The following FAM216A variants were observed in gnomAD, a reference collection of about 807,000 sequenced individuals.
The protein encoded by FAM216A is family with sequence similarity 216 member A.
FAM216A carries 26 observed loss-of-function variants against 37.6 expected under a neutral mutation model. That is an observed-to-expected ratio of 0.69 (90% CI 0.51 to 0.96). The LOEUF (loss-of-function observed/expected upper bound fraction) is 0.96. Ranked by LOEUF, FAM216A falls within the 40% of genes least tolerant of loss-of-function variation. FAM216A has a pLI of 0.00. For synonymous variants in FAM216A, 110 were observed against 121.7 expected, an observed-to-expected ratio of 0.90 and a Z score of 0.64; for missense variants, 326 against 339.3, an observed-to-expected ratio of 0.96 and a Z score of 0.31.
chr12:110,475,356 C>T (rs2062709111), intron 2 of FAM216A, among the ~76,000 whole-genome samples: 1 of 152,066 alleles, frequency 6.6e-6, no homozygotes, highest in Non-Finnish European at 1.5e-5. Flanking sequence ...ATTCTCATGC[C>T]TCAGCCTCCC....
At chr12:110,481,528 G>GTTT (rs541934479) in intron 2 of FAM216A, among the ~76,000 whole-genome samples, 1 of 138,830 alleles carries the variant, frequency 7.2e-6, no homozygotes, top group African/African-American at 2.6e-5. Flanking sequence ...TGTGTGTGTG[G>GTTT]TTTTTTTTTT....
At chr12:110,489,882 G>A (rs946126412) in intron 6 of FAM216A, 137 bp from the exon 7 acceptor site, 2 of 580,736 alleles carry the variant, frequency 3.4e-6, no homozygotes, top group Admixed American at 3.0e-5. Flanking sequence ...GGGGAAGGAT[G>A]AGGTGACTAA....
intron 2 of FAM216A, among the ~76,000 whole-genome samples, chr12:110,484,577 T>C (rs1041891998): frequency 7.9e-5 from 12 of 151,638 alleles, no homozygotes; most frequent in African/African-American, 2.9e-4. Context: ...CTTTGCATCT[T>C]AGCTGAGTTC....
chr12:110,469,938 C>G (rs1398701202), intron 1 of FAM216A, among the ~76,000 whole-genome samples: 1 of 152,078 alleles, frequency 6.6e-6, no homozygotes, highest in Non-Finnish European at 1.5e-5. Flanking sequence ...GTTTTTACAC[C>G]TATTTCCTAG....
chr12:110,477,997 G>A (rs887217317), intron 2 of FAM216A, among the ~76,000 whole-genome samples: 3 of 152,124 alleles, frequency 2.0e-5, no homozygotes, highest in African/African-American at 4.8e-5. Context: ...GTGAGCCCCC[G>A]TGCCCAGCCA....
At chr12:110,485,651 T>C (rs2062773193) in intron 3 of FAM216A, among the ~76,000 whole-genome samples, 1 of 152,164 alleles carries the variant, frequency 6.6e-6, no homozygotes, top group South Asian at 2.1e-4. Context: ...TTTACAATGG[T>C]TACCTGTATC....
chr12:110,468,722 C>T (rs2062656920), upstream of FAM216A: 1 of 1,502,620 alleles, frequency 6.7e-7, no homozygotes, highest in African/African-American at 1.4e-5. Context: ...CTGCCCCTCC[C>T]CCACCGTAAC....
Position 110,487,858 on chromosome 12 carries a change from T to C in FAM216A, c.621-3T>C, listed in dbSNP as rs1305998177. On this transcript the variant is annotated splice_polypyrimidine_tract_variant and splice_region_variant and intron_variant, in intron 5 of 6. Coordinates refer to ENST00000377673, the MANE Select transcript of FAM216A (RefSeq NM_013300.3). Reference sequence around the variant, plus strand: ...CCAACTAAGATACTTCCCTTTCTTATAGGATAAAAACTGGATATGCATCTA... The same window carrying C: ...CCAACTAAGATACTTCCCTTTCTTACAGGATAAAAACTGGATATGCATCTA... The C allele has an allele frequency of 5.4e-5, 84 of 1,566,266 alleles. No homozygotes were observed. The highest frequency in any genetic ancestry group is 6.8e-5 in the Non-Finnish European group (78 of 1,140,198).
chr12:110,488,921 G>A lies in FAM216A; in HGVS notation c.703+978G>A, dbSNP rs118021286. On this transcript the variant is annotated intron_variant, in intron 6 of 6. Coordinates refer to ENST00000377673, the MANE Select transcript of FAM216A (RefSeq NM_013300.3). ...TCTTATACTGTACCTTGGAAAGCAA[G>A]ACTGTGGATAAGGAGGGACTTCTGT... 6.8e-3 allele frequency among the ~76,000 whole-genome samples: 1,042 copies of A among 152,280 alleles called. 1 individual carries two copies. The highest frequency in any genetic ancestry group is 9.4e-3 in the Non-Finnish European group (637 of 68,032).
At position 110,473,114 on chromosome 12, in the gene FAM216A, T is replaced by C; in HGVS notation, c.180T>C (p.Gly60=). Residue 60 remains glycine, a synonymous_variant, in exon 2 of 7, where the codon GGT becomes GGC. Transcript: ENST00000377673. The part of the protein sequence containing the change: ...AGYSCYQNSK[G]SDRIKDGYKV... ...ACTCTTGTTACCAGAATTCCAAAGG[T>C]TCTGGTGAGTAGTGCATATAAAGCA... 1 of 1,562,194 alleles carries C rather than the reference T, an allele frequency of 6.4e-7. No individual in the cohort carries two copies. Among genetic ancestry groups the C allele is most frequent in the Non-Finnish European group, 8.7e-7 (1 of 1,143,204 alleles).
At chr12:110,469,068 C>G in intron 1 of FAM216A, 50 bp downstream of exon 1, 1 of 1,377,836 alleles carries the variant, frequency 7.3e-7, no homozygotes, top group Non-Finnish European at 9.3e-7. Flanking sequence ...GCCCCCGGGT[C>G]GTGAGGCCCC....
chr12:110,479,531 G>GAA (rs561234124), intron 2 of FAM216A, among the ~76,000 whole-genome samples: 269 of 137,202 alleles, frequency 2.0e-3, no homozygotes, highest in African/African-American at 4.8e-3. Flanking sequence ...ACATGCTTCT[G>GAA]AAAAAAAAAA....
At chr12:110,468,673 G>A (rs1036207178), upstream of FAM216A, 10 of 1,536,120 alleles carry the variant, frequency 6.5e-6, no homozygotes, top group African/African-American at 4.1e-5. Flanking sequence ...CTTCCACAGA[G>A]AGGTGCAAAC....
chr12:110,476,351 C>T (rs1264811832), intron 2 of FAM216A, among the ~76,000 whole-genome samples: 2 of 151,926 alleles, frequency 1.3e-5, no homozygotes, highest in African/African-American at 4.8e-5. Flanking sequence ...AGTCGCCCAC[C>T]ACCACGCCCC....
At chr12:110,486,865 C>A in intron 5 of FAM216A, 148 bp downstream of exon 5, 1 of 694,434 alleles carries the variant, frequency 1.4e-6, no homozygotes, top group Non-Finnish European at 2.3e-6. Context: ...AAGCAATGCT[C>A]CTGCCTCAGA....
intron 2 of FAM216A, among the ~76,000 whole-genome samples, chr12:110,477,190 G>A (rs1445171358): frequency 6.6e-6 from 1 of 152,196 alleles, no homozygotes; most frequent in Non-Finnish European, 1.5e-5. Context: ...TACTGACAAT[G>A]TTGTCATCGT....
upstream of FAM216A, chr12:110,468,473 T>C: frequency 6.5e-7 from 1 of 1,537,090 alleles, no homozygotes; most frequent in South Asian, 1.2e-5. Flanking sequence ...CTTGGATACC[T>C]GAGTAATAAC....
chr12:110,483,026 T>C (rs1333550533), intron 2 of FAM216A, among the ~76,000 whole-genome samples: 1 of 151,512 alleles, frequency 6.6e-6, no homozygotes, highest in Non-Finnish European at 1.5e-5. Context: ...TGTATTATTA[T>C]AAAAAGAGAC....
At chr12:110,487,970 A>AT (rs1271326148) in intron 6 of FAM216A, 27 bp downstream of exon 6, 9 of 1,315,248 alleles carry the variant, frequency 6.8e-6, no homozygotes, top group Non-Finnish European at 9.8e-6. Context: ...AACAATATTC[A>AT]TTTTTTAAGA....
Sources: allele counts gnomAD v4.1 joint callset (sites outside exome capture counted in the v4.1 genomes callset), GRCh38; gene constraint gnomAD v4.1.1; transcripts MANE v1.5; gene names NCBI Gene and HGNC (gene_info 2026-07-23, HGNC 2026-07-21).